The following CACNA1H variants were observed in gnomAD, a reference collection of about 807,000 sequenced individuals.
CACNA1H encodes the protein calcium voltage-gated channel subunit alpha1 H, also known as voltage-dependent T-type calcium channel subunit alpha-1H.
Under a neutral mutation model 192.5 loss-of-function variants are expected in CACNA1H, and 149 were observed. That is an observed-to-expected ratio of 0.77 (90% CI 0.68 to 0.89). The LOEUF (loss-of-function observed/expected upper bound fraction) is 0.89. CACNA1H is among the 40% of genes least tolerant of loss of function. The pLI, the probability that CACNA1H is intolerant of heterozygous loss-of-function variation, is 0.00. For synonymous variants in CACNA1H, 2,202 were observed against 1,475.2 expected (o/e 1.49, Z -11.29); for missense variants, 4,257 against 3,423.5 (o/e 1.24, Z -6.08).
chr16:1,209,766 A>G (rs1280406674), intron 17 of CACNA1H, among the ~76,000 whole-genome samples: 1 of 152,156 alleles, frequency 6.6e-6, no homozygotes. Context: ...GACCACTCCC[A>G]GAGTCAGGGA....
chr16:1,216,985 G>A lies in CACNA1H; in HGVS notation c.5298G>A (p.Leu1766=), dbSNP rs998209034. Reference sequence around the variant, plus strand: ...TCCTGTTTTTTATCTATGCTGCGCTGGGAGTGGAGCTGTTCGGGAGGCTGG... The same window carrying A: ...TCCTGTTTTTTATCTATGCTGCGCTAGGAGTGGAGCTGTTCGGGAGGCTGG... ...FMLLFFIYAA[L]GVELFGRLEC... Residue 1766 remains leucine, a synonymous_variant, in exon 31 of 35, where the codon CTG becomes CTA. Coordinates refer to ENST00000348261, the MANE Select transcript of CACNA1H (RefSeq NM_021098.3). 1 of 1,600,568 alleles carries A rather than the reference G, an allele frequency of 6.2e-7. No homozygotes were observed. Among genetic ancestry groups the A allele is most frequent in the Non-Finnish European group, 8.5e-7 (1 of 1,173,778 alleles).
At chr16:1,184,879 G>C (rs561004519) in intron 2 of CACNA1H, among the ~76,000 whole-genome samples, 1 of 146,082 alleles carries the variant, frequency 6.8e-6, no homozygotes, top group Non-Finnish European at 1.5e-5. Context: ...TGAGGTTCAC[G>C]TACCATGGGA....
In CACNA1H at chr16:1,210,904, G is replaced by A. The variant is rs766694151; in HGVS notation, c.4156G>A (p.Ala1386Thr). Residue 1386 changes from alanine (A) to threonine (T), a missense_variant, in exon 21 of 35, where the codon GCT (alanine) becomes ACT (threonine). Physicochemically the swap from Ala to Thr is moderately conservative, Grantham distance 58. Coordinates refer to ENST00000348261, the MANE Select transcript of CACNA1H (RefSeq NM_021098.3). ...GGACATTGTCGTGGCCATGGCCTCGGCTGGTGGCGCCAAGATCCTGGGTGT... is the reference window on the plus strand; with the variant it reads ...GGACATTGTCGTGGCCATGGCCTCGACTGGTGGCGCCAAGATCCTGGGTGT... ...LVDIVVAMAS[A>T]GGAKILGVLR... 2.7e-5 allele frequency: 43 copies of A among 1,604,014 alleles called. No individual in the cohort carries two copies. Among genetic ancestry groups the A allele is most frequent in the Middle Eastern group, 3.6e-4 (2 of 5,566 alleles).
At chr16:1,217,108 G>A (rs941684501) in intron 31 of CACNA1H, 98 bp downstream of exon 31, 37 of 1,093,740 alleles carry the variant, frequency 3.4e-5, no homozygotes, top group African/African-American at 2.5e-4. Context: ...TGCAAATAGC[G>A]TGGGGCCTGA....
chr16:1,212,344 C>A lies in CACNA1H; in HGVS notation c.4760-167C>A, dbSNP rs191403527. 2.7e-3 allele frequency among the ~76,000 whole-genome samples: 413 copies of A among 152,198 alleles called. 7 individuals are homozygous for A. Among genetic ancestry groups the A allele is most frequent in the African/African-American group, 9.2e-3 (380 of 41,530 alleles). On this transcript the variant is annotated intron_variant, in intron 25 of 34. Coordinates refer to ENST00000348261, the MANE Select transcript of CACNA1H (RefSeq NM_021098.3). ...CGCCATGGCAGGAGAGGAGGAGACA[C>A]CCCCAACCCCATCCCCAGCGCCCAA...
At chr16:1,195,873 C>T in intron 4 of CACNA1H, 53 bp from the exon 5 acceptor site, 1 of 1,424,396 alleles carries the variant, frequency 7.0e-7, no homozygotes, top group Non-Finnish European at 9.9e-7. Flanking sequence ...CCAGCCCCAC[C>T]CTGGACCACC....
intron 12 of CACNA1H, 37 bp from the exon 13 acceptor site, chr16:1,206,964 G>GCTTCCAC (rs1358692655): frequency 1.2e-6 from 1 of 867,574 alleles, no homozygotes; most frequent in Admixed American, 2.9e-5. Flanking sequence ...GCACACCCCT[G>GCTTCCAC]CCTCCACCCT....
At position 1,153,209 on chromosome 16, in the gene CACNA1H, C is replaced by T. The variant is rs1025507581; in HGVS notation, c.-280C>T. 6.9e-6 allele frequency: 1 copy of T among 145,900 alleles called. No homozygotes were observed. The highest frequency in any genetic ancestry group is 2.5e-5 in the African/African-American group (1 of 40,580). 9.0% of individuals were successfully genotyped at this position (145,900 alleles called of 1,614,324 possible). On this transcript the variant is annotated 5_prime_UTR_variant, in exon 1 of 35. Transcript: ENST00000348261. The stretch of plus-strand genomic sequence containing the variant: ...CGCCCCGCGCCCCGCGCCCCGGCCT[C>T]ACCCGTCCGCTCAGCGGCCTCCACG...
At position 1,220,481 on chromosome 16, in the gene CACNA1H, A is replaced by G; in HGVS notation, c.6549A>G (p.Arg2183=). ...CCGAGCCCGCTCTGGGTGCGCGCAGAAAGAAGAAGATGAGCCCCCCCTGCA... is the reference window on the plus strand; with the variant it reads ...CCGAGCCCGCTCTGGGTGCGCGCAGGAAGAAGAAGATGAGCCCCCCCTGCA... ...PEAEPALGAR[R]KKKMSPPCIS... is the part of the protein sequence containing the mutation. Residue 2183 remains arginine, a synonymous_variant, in exon 35 of 35, where the codon AGA becomes AGG. Coordinates refer to ENST00000348261, the MANE Select transcript of CACNA1H (RefSeq NM_021098.3). 3 of 1,545,922 alleles carry G rather than the reference A, an allele frequency of 1.9e-6. No homozygotes were observed. The highest frequency in any genetic ancestry group is 2.6e-6 in the Non-Finnish European group (3 of 1,154,768).
intron 10 of CACNA1H, 135 bp downstream of exon 10, chr16:1,204,593 T>G: frequency 1.5e-6 from 1 of 684,818 alleles, no homozygotes; most frequent in Non-Finnish European, 2.4e-6. Context: ...AAGCCGGGGA[T>G]GGTGAGGATA....
chr16:1,200,897 CCTGT>C (rs1967792760), intron 8 of CACNA1H, 89 bp downstream of exon 8: 3 of 971,580 alleles, frequency 3.1e-6, no homozygotes, highest in Non-Finnish European at 4.8e-6. Flanking sequence ...CATAGGGGCT[CCTGT>C]CTGTCTTCCA....
intron 2 of CACNA1H, among the ~76,000 whole-genome samples, chr16:1,162,799 A>G (rs913874711): frequency 4.6e-5 from 7 of 152,096 alleles, no homozygotes; most frequent in African/African-American, 1.4e-4. Context: ...ACCATCCGCC[A>G]GGGCTGTGGC....
chr16:1,209,465 A>G (rs1219736898), intron 17 of CACNA1H, 53 bp downstream of exon 17: 82 of 1,577,036 alleles, frequency 5.2e-5, no homozygotes, highest in Non-Finnish European at 6.3e-5. Context: ...TGTCTGGGGC[A>G]GGTTCCCTCA....
chr16:1,195,951 C>T lies in CACNA1H; in HGVS notation c.571C>T (p.His191Tyr). Reference sequence around the variant, plus strand: ...CATGATGGAGTACTCGTTGGACGGACACAACGTGAGCCTCTCGGCTATCAG... The same window carrying T: ...CATGATGGAGTACTCGTTGGACGGATACAACGTGAGCCTCTCGGCTATCAG... The part of the protein sequence containing the change: ...AGMMEYSLDG[H>Y]NVSLSAIRTV... The change falls in exon 5 of 35, where the codon CAC becomes TAC. Residue 191 changes from histidine (H) to tyrosine (Y), a missense_variant. Transcript: ENST00000348261. 2 of 1,613,116 alleles carry T rather than the reference C, an allele frequency of 1.2e-6. No homozygotes were observed. The highest frequency in any genetic ancestry group is 1.7e-6 in the Non-Finnish European group (2 of 1,179,814).
At chr16:1,212,706 G>A (rs995193327) in intron 26 of CACNA1H, among the ~76,000 whole-genome samples, 178 bp downstream of exon 26, 21 of 152,306 alleles carry the variant, frequency 1.4e-4, no homozygotes, top group Middle Eastern at 3.4e-3. Context: ...TGCTGTGTGC[G>A]TGCACGCGTG....
intron 31 of CACNA1H, 106 bp from the exon 32 acceptor site, chr16:1,217,813 G>A (rs1368663268): frequency 2.6e-5 from 37 of 1,398,114 alleles, no homozygotes; most frequent in Non-Finnish European, 3.5e-5. Flanking sequence ...CATCCTCCGG[G>A]CTATCCTGCC....
At chr16:1,208,578 G>C (rs541668490) in intron 16 of CACNA1H, among the ~76,000 whole-genome samples, 112 of 152,218 alleles carry the variant, frequency 7.4e-4, no homozygotes, top group African/African-American at 2.6e-3. Context: ...TTCCCTTTAC[G>C]GCCAGGGCAT....
chr16:1,186,514 T>C (rs76544774), intron 2 of CACNA1H, among the ~76,000 whole-genome samples: 12,629 of 152,110 alleles, frequency 0.083, 1,426 homozygotes, highest in African/African-American at 0.26. Flanking sequence ...CTTGTCCCTC[T>C]CCACGGCGTT....
At chr16:1,159,351 G>A (rs866501214) in intron 2 of CACNA1H, among the ~76,000 whole-genome samples, 1 of 152,268 alleles carries the variant, frequency 6.6e-6, no homozygotes, top group South Asian at 2.1e-4. Context: ...ACCTGGATGG[G>A]GTGTGCCGAG....
Sources: gnomAD v4.1 joint callset for allele counts (sites outside exome capture counted in the v4.1 genomes callset) on GRCh38, gnomAD v4.1.1 for gene constraint, MANE v1.5 for transcripts, NCBI Gene and HGNC (gene_info 2026-07-23, HGNC 2026-07-21) for gene names.